Variants in TRPM3 observed in about 807,000 individuals in gnomAD.
TRPM3 encodes the protein long transient receptor potential channel 3.
In TRPM3, 77 loss-of-function variants were observed where a neutral mutation model predicts 181.2. The observed-to-expected ratio is 0.42, with a 90% confidence interval of 0.35 to 0.51. The LOEUF is 0.51. TRPM3 is among the 20% of genes least tolerant of loss of function. TRPM3 has a pLI of 0.01. For missense variants in TRPM3, 1,759 were observed against 2,196.7 expected (o/e 0.80, Z 3.98); for synonymous variants, 745 against 796.4 (o/e 0.94, Z 1.09).
intron 1 of TRPM3, among the ~76,000 whole-genome samples, chr9:71,059,011 A>ATTTTTTTTGTTTTTTTTT (rs2060989822): frequency 1.9e-5 from 1 of 52,638 alleles, no homozygotes; most frequent in Non-Finnish European, 3.2e-5. Context: ...TTGTTTGTTC[A>ATTTTTTTTGTTTTTTTTT]TTTTTTTTTT....
chr9:70,888,289 A>G (rs535744611), intron 1 of TRPM3, among the ~76,000 whole-genome samples: 1 of 151,980 alleles, frequency 6.6e-6, no homozygotes, highest in Non-Finnish European at 1.5e-5. Flanking sequence ...TTTTATGGCA[A>G]TATAGTCACA....
intron 1 of TRPM3, among the ~76,000 whole-genome samples, chr9:71,397,218 C>T: frequency 6.6e-6 from 1 of 152,160 alleles, no homozygotes; most frequent in Non-Finnish European, 1.5e-5. Context: ...CTATTATACT[C>T]CTTTACAGCC....
chr9:71,205,423 G>A (rs1328825313), intron 1 of TRPM3, among the ~76,000 whole-genome samples: 2 of 152,100 alleles, frequency 1.3e-5, no homozygotes, highest in African/African-American at 4.8e-5. Flanking sequence ...AAGAGTGCCA[G>A]TGCCTAGGTG....
intron 1 of TRPM3, among the ~76,000 whole-genome samples, chr9:71,366,077 T>A (rs1459337886): frequency 1.3e-5 from 2 of 152,144 alleles, no homozygotes; most frequent in African/African-American, 2.4e-5. Context: ...CAGAGATTGG[T>A]CATCATAGGA....
intron 1 of TRPM3, among the ~76,000 whole-genome samples, chr9:71,157,517 T>A (rs2076067821): frequency 6.6e-6 from 1 of 152,104 alleles, no homozygotes; most frequent in African/African-American, 2.4e-5. Context: ...AGGACGAGAT[T>A]AAGCCAATGG....
intron 1 of TRPM3, among the ~76,000 whole-genome samples, chr9:71,083,829 G>A (rs185947856): frequency 6.6e-6 from 1 of 151,596 alleles, no homozygotes; most frequent in Non-Finnish European, 1.5e-5. Context: ...GAAACTGGCA[G>A]CCTGTATATA....
At chr9:70,783,073 T>C (rs2082809193) in intron 7 of TRPM3, among the ~76,000 whole-genome samples, 1 of 152,182 alleles carries the variant, frequency 6.6e-6, no homozygotes, top group East Asian at 1.9e-4. Flanking sequence ...CTGCTGTAGG[T>C]GAGCTCACTT....
At chr9:71,442,251 AGTGGAAGCAAGAGTG>A (rs1489791605) in intron 1 of TRPM3, among the ~76,000 whole-genome samples, 2 of 152,234 alleles carry the variant, frequency 1.3e-5, no homozygotes, top group Admixed American at 1.3e-4. Flanking sequence ...TTATAGCATT[AGTGGAAGCAAGAGTG>A]CTGTCTAAGG....
chr9:70,916,090 ATAGT>A (rs1384888560), intron 1 of TRPM3, among the ~76,000 whole-genome samples: 1 of 152,222 alleles, frequency 6.6e-6, no homozygotes, highest in African/African-American at 2.4e-5. Context: ...GTGGCATGGC[ATAGT>A]TAAAGTGCTG....
intron 1 of TRPM3, among the ~76,000 whole-genome samples, chr9:71,347,432 T>C (rs887825445): frequency 6.6e-6 from 1 of 152,220 alleles, no homozygotes; most frequent in East Asian, 1.9e-4. Context: ...TCTTCAATTT[T>C]TTAGTTAATT....
intron 1 of TRPM3, among the ~76,000 whole-genome samples, chr9:70,963,958 G>C (rs765568822): frequency 6.6e-6 from 1 of 152,018 alleles, no homozygotes; most frequent in Non-Finnish European, 1.5e-5. Flanking sequence ...TACAAAATGT[G>C]TTTTCTCTGG....
chr9:71,360,895 C>A (rs1437344130), intron 1 of TRPM3, among the ~76,000 whole-genome samples: 1 of 152,148 alleles, frequency 6.6e-6, no homozygotes, highest in Non-Finnish European at 1.5e-5. Flanking sequence ...ATTGCCAAAA[C>A]GTTGAATTTG....
At chr9:70,698,562 G>T (rs1432552746) in intron 8 of TRPM3, among the ~76,000 whole-genome samples, 1 of 152,130 alleles carries the variant, frequency 6.6e-6, no homozygotes, top group Non-Finnish European at 1.5e-5. Context: ...GTTTTAATTT[G>T]ACACTAGGTC....
chr9:70,694,535 C>T (rs551982519), intron 8 of TRPM3, among the ~76,000 whole-genome samples: 1 of 152,270 alleles, frequency 6.6e-6, no homozygotes, highest in Admixed American at 6.5e-5. Flanking sequence ...GGCTGGAGCA[C>T]AGTGGCGCGA....
intron 1 of TRPM3, among the ~76,000 whole-genome samples, chr9:71,042,953 G>C (rs952737077): frequency 1.3e-5 from 2 of 152,172 alleles, no homozygotes; most frequent in Non-Finnish European, 2.9e-5. Context: ...ACTTTGAAAT[G>C]ACTTTGCTAA....
intron 9 of TRPM3, among the ~76,000 whole-genome samples, chr9:70,663,359 C>G (rs1467364753): frequency 6.6e-6 from 1 of 151,920 alleles, no homozygotes; most frequent in Non-Finnish European, 1.5e-5. Flanking sequence ...CATGTTCAAC[C>G]CAAACCACCC....
intron 1 of TRPM3, among the ~76,000 whole-genome samples, chr9:71,409,994 G>A (rs1347988440): frequency 6.6e-6 from 1 of 152,132 alleles, no homozygotes; most frequent in Non-Finnish European, 1.5e-5. Context: ...TGAACAACCT[G>A]CTCCTGAATG....
chr9:70,629,827 A>AT (rs1205370569), intron 12 of TRPM3, among the ~76,000 whole-genome samples: 8 of 152,206 alleles, frequency 5.3e-5, no homozygotes, highest in Non-Finnish European at 7.3e-5. Context: ...CTTCACAGAG[A>AT]TTTTAGGGAG....
intron 8 of TRPM3, among the ~76,000 whole-genome samples, chr9:70,748,476 C>T (rs2075568032): frequency 6.6e-6 from 1 of 152,184 alleles, no homozygotes; most frequent in Admixed American, 6.5e-5. Context: ...TATGTGATTG[C>T]TAGGATTTGA....
Sources: gnomAD v4.1 joint callset for allele counts (sites outside exome capture counted in the v4.1 genomes callset) on GRCh38, gnomAD v4.1.1 for gene constraint, MANE v1.5 for transcripts, NCBI Gene and HGNC (gene_info 2026-07-23, HGNC 2026-07-21) for gene names.